Variants in RYR3 observed in about 807,000 individuals in gnomAD.
RYR3 encodes brain ryanodine receptor-calcium release channel.
In RYR3, 207 loss-of-function variants were observed where a neutral mutation model predicts 584.3. That is an observed-to-expected ratio of 0.35 (90% CI 0.32 to 0.40). The LOEUF is 0.40. Ranked by LOEUF, RYR3 falls within the 10% of genes least tolerant of loss-of-function variation. RYR3 has a pLI of 1.00. For missense variants in RYR3, 5,616 were observed against 6,089.2 expected, an observed-to-expected ratio of 0.92 and a Z score of 2.59; for synonymous variants, 2,416 against 2,248.5, an observed-to-expected ratio of 1.07 and a Z score of -2.11.
intron 1 of RYR3, among the ~76,000 whole-genome samples, chr15:33,323,398 G>A (rs1360617683): frequency 2.0e-5 from 3 of 152,044 alleles, no homozygotes; most frequent in Non-Finnish European, 4.4e-5. Context: ...GTGAGCCACC[G>A]CGCCCGGCCT....
chr15:33,582,923 G>A (rs2058666789), intron 14 of RYR3, among the ~76,000 whole-genome samples: 1 of 152,176 alleles, frequency 6.6e-6, no homozygotes, highest in South Asian at 2.1e-4. Flanking sequence ...AGCTACTTGG[G>A]GGCGAATCAA....
At chr15:33,454,646 T>A (rs1161862242) in intron 1 of RYR3, among the ~76,000 whole-genome samples, 1 of 152,138 alleles carries the variant, frequency 6.6e-6, no homozygotes, top group Non-Finnish European at 1.5e-5. Flanking sequence ...GCACTATGGA[T>A]GCACAATGAT....
intron 1 of RYR3, among the ~76,000 whole-genome samples, chr15:33,414,834 C>T (rs568493023): frequency 1.3e-5 from 2 of 152,238 alleles, no homozygotes; most frequent in South Asian, 2.1e-4. Flanking sequence ...CCTCGTGATC[C>T]GCCCACCTAA....
chr15:33,645,219 C>T (rs35945042), intron 28 of RYR3, among the ~76,000 whole-genome samples: 20,188 of 152,062 alleles, frequency 0.13, 1,599 homozygotes, highest in East Asian at 0.33. Context: ...CAGAGAGGAG[C>T]CAAAGATTGT....
At chr15:33,834,366 CATTTGGCTT>C in intron 86 of RYR3, among the ~76,000 whole-genome samples, 2 of 151,450 alleles carry the variant, frequency 1.3e-5, no homozygotes, top group South Asian at 2.1e-4. Context: ...TATTCCTCTA[CATTTGGCTT>C]TCAGAAAAGT....
intron 2 of RYR3, among the ~76,000 whole-genome samples, chr15:33,483,983 A>G (rs1054915542): frequency 2.6e-5 from 4 of 152,192 alleles, no homozygotes; most frequent in Non-Finnish European, 5.9e-5. Flanking sequence ...ATCTTTAAAA[A>G]GTAATATTCC....
intron 26 of RYR3, 150 bp downstream of exon 26, chr15:33,635,969 G>A (rs2061477863): frequency 2.9e-6 from 2 of 690,612 alleles, no homozygotes; most frequent in African/African-American, 3.6e-5. Flanking sequence ...GCATCTCCTA[G>A]TGACTGTTTC....
intron 43 of RYR3, among the ~76,000 whole-genome samples, chr15:33,710,943 G>C (rs1216787920): frequency 6.6e-6 from 1 of 152,168 alleles, no homozygotes; most frequent in Non-Finnish European, 1.5e-5. Context: ...GATGGGAGGG[G>C]CTGCCATGAA....
intron 4 of RYR3, among the ~76,000 whole-genome samples, chr15:33,531,965 A>G (rs2054915621): frequency 6.6e-6 from 1 of 152,214 alleles, no homozygotes; most frequent in South Asian, 2.1e-4. Flanking sequence ...ATATCATGGT[A>G]GTGACACAAA....
At chr15:33,814,773 C>T (rs1171340180) in intron 74 of RYR3, among the ~76,000 whole-genome samples, 1 of 151,956 alleles carries the variant, frequency 6.6e-6, no homozygotes, top group Non-Finnish European at 1.5e-5. Flanking sequence ...TGGTGACATG[C>T]ACCTGTAATC....
At chr15:33,825,723 CTTTT>C (rs374617439) in intron 82 of RYR3, 47 bp downstream of exon 82, 2 of 472,616 alleles carry the variant, frequency 4.2e-6, no homozygotes, top group East Asian at 3.8e-5. Context: ...TGATTAAAAT[CTTTT>C]TTTTTTTTTT....
chr15:33,346,021 A>T (rs1473571022), intron 1 of RYR3, among the ~76,000 whole-genome samples: 1 of 152,222 alleles, frequency 6.6e-6, no homozygotes, highest in Non-Finnish European at 1.5e-5. Context: ...ATTTATTTGA[A>T]AAAGGCTTAT....
rs563763224 is a variant in RYR3, at chr15:33,637,835, G to T, written c.3556+1285G>T. Among the ~76,000 whole-genome samples the T allele has an allele frequency of 6.3e-4, 96 of 151,982 alleles. 1 individual carries two copies. The South Asian group carries it at 0.02, about 31-fold the overall frequency. On this transcript the variant is annotated intron_variant, in intron 27 of 103. Coordinates refer to ENST00000634891, the MANE Select transcript of RYR3 (RefSeq NM_001036.6). ...TTATTATTATACTTTAAGTTTTAGG[G>T]TACATGTGCACAACGTGCAGGTTTG...
intron 67 of RYR3, among the ~76,000 whole-genome samples, chr15:33,792,242 T>C (rs1344361315): frequency 6.6e-6 from 1 of 152,170 alleles, no homozygotes; most frequent in Non-Finnish European, 1.5e-5. Context: ...AGACACTTCA[T>C]GGTGTGTGTC....
intron 98 of RYR3, chr15:33,856,342 C>G (rs1332250368): frequency 6.6e-6 from 1 of 152,310 alleles, no homozygotes; most frequent in East Asian, 1.9e-4. Flanking sequence ...TCCTTGAAGG[C>G]AAAGCTCTGA....
intron 8 of RYR3, among the ~76,000 whole-genome samples, chr15:33,544,859 G>T (rs546147573): frequency 2.4e-5 from 3 of 124,784 alleles, no homozygotes; most frequent in Non-Finnish European, 5.5e-5. Context: ...GCACTGGTCC[G>T]GCGGTTGATA....
chr15:33,761,455 G>C (rs182489163), intron 60 of RYR3, among the ~76,000 whole-genome samples: 2,354 of 152,316 alleles, frequency 0.015, 23 homozygotes, highest in Middle Eastern at 0.037. Flanking sequence ...ACTACCGTTA[G>C]AGAATACTAC....
intron 1 of RYR3, among the ~76,000 whole-genome samples, chr15:33,444,099 A>C (rs765351771): frequency 2.6e-5 from 4 of 152,188 alleles, no homozygotes; most frequent in Non-Finnish European, 4.4e-5. Flanking sequence ...GGAAAACTAA[A>C]TTGAGACCCA....
intron 1 of RYR3, among the ~76,000 whole-genome samples, chr15:33,440,100 C>T (rs1007730085): frequency 6.6e-6 from 1 of 152,136 alleles, no homozygotes; most frequent in Non-Finnish European, 1.5e-5. Flanking sequence ...CCAGCCTGGG[C>T]AACATAGGGA....
Sources: allele counts gnomAD v4.1 joint callset (sites outside exome capture counted in the v4.1 genomes callset), GRCh38; gene constraint gnomAD v4.1.1; transcripts MANE v1.5; gene names NCBI Gene and HGNC (gene_info 2026-07-23, HGNC 2026-07-21).